The following TOX2 variants were observed in gnomAD, a reference collection of about 807,000 sequenced individuals.
TOX2 encodes TOX high mobility group box family member 2.
Under a neutral mutation model 47.4 loss-of-function variants are expected in TOX2, and 15 were observed. The observed-to-expected ratio is 0.32, with a 90% CI of 0.21 to 0.49. The LOEUF (loss-of-function observed/expected upper bound fraction) is 0.49. Among genes scored for constraint, TOX2 ranks in the 20% least tolerant of loss-of-function variants. The pLI, the probability that TOX2 is intolerant of heterozygous loss-of-function variation, is 0.99. For missense variants in TOX2, 622 were observed against 673.1 expected, an observed-to-expected ratio of 0.92 and a Z score of 0.84; for synonymous variants, 290 against 296.6, an observed-to-expected ratio of 0.98 and a Z score of 0.23.
chr20:43,989,303 T>C (rs1355859557), intron 2 of TOX2, among the ~76,000 whole-genome samples: 2 of 152,162 alleles, frequency 1.3e-5, no homozygotes, highest in Admixed American at 1.3e-4. Flanking sequence ...GGCACATGCC[T>C]ACCCTGAGGA....
chr20:44,067,663 C>A (rs1015807685), intron 8 of TOX2, among the ~76,000 whole-genome samples: 1 of 152,118 alleles, frequency 6.6e-6, no homozygotes, highest in Non-Finnish European at 1.5e-5. Context: ...CCTTTCAAAC[C>A]CATGCTAACA....
chr20:44,017,274 G>A (rs2070896124), intron 3 of TOX2, among the ~76,000 whole-genome samples: 1 of 152,186 alleles, frequency 6.6e-6, no homozygotes, highest in Non-Finnish European at 1.5e-5. Flanking sequence ...TATGAGTATG[G>A]GGTGAATCTT....
At chr20:43,987,212 C>T (rs1056082188) in intron 2 of TOX2, among the ~76,000 whole-genome samples, 1 of 152,172 alleles carries the variant, frequency 6.6e-6, no homozygotes, top group Admixed American at 6.5e-5. Flanking sequence ...TGTGTAACCA[C>T]ATGCCATCAA....
chr20:43,939,682 C>T (rs1053273760), intron 1 of TOX2, among the ~76,000 whole-genome samples: 18 of 152,202 alleles, frequency 1.2e-4, no homozygotes, highest in African/African-American at 4.1e-4. Context: ...ACTGACCCTG[C>T]AGCTTAGAAG....
At chr20:43,922,636 T>C (rs1288656885) in intron 1 of TOX2, among the ~76,000 whole-genome samples, 2 of 152,232 alleles carry the variant, frequency 1.3e-5, no homozygotes, top group African/African-American at 4.8e-5. Flanking sequence ...TGAGTTGTGG[T>C]AAATTGTAAT....
chr20:44,037,127 T>C (rs1342628380), intron 3 of TOX2, among the ~76,000 whole-genome samples: 3 of 152,234 alleles, frequency 2.0e-5, no homozygotes, highest in Admixed American at 1.3e-4. Context: ...CTAATTTTTG[T>C]ATTTTTAGTA....
chr20:44,068,682 C>G lies in TOX2; in HGVS notation c.1517C>G (p.Thr506Ser). The change falls in exon 9 of 9, where the codon ACC becomes AGC. Residue 506 changes from threonine (T) to serine (S), a missense_variant. Physicochemically the swap from Thr to Ser is moderately conservative, Grantham distance 58 (BLOSUM62 1). This residue lies in a region of TOX2 where 294 missense variants were observed against 300.0 expected (regional missense o/e 0.98). Coordinates refer to ENST00000341197, the MANE Select transcript of TOX2 (RefSeq NM_001098797.2). ...LLPRDKSLYLT is the reference protein window; with the variant it reads ...LLPRDKSLYLS ...CCCAGGGACAAATCGCTCTACCTCACCTAATCCCGCCTCCCTACCATCCCT... is the reference window on the plus strand; with the variant it reads ...CCCAGGGACAAATCGCTCTACCTCAGCTAATCCCGCCTCCCTACCATCCCT... 6.2e-7 allele frequency: 1 copy of G among 1,614,126 alleles called. No homozygotes were observed. Among genetic ancestry groups the G allele is most frequent in the Non-Finnish European group, 8.5e-7 (1 of 1,179,998 alleles).
chr20:43,974,078 A>G (rs1307591232), intron 2 of TOX2, among the ~76,000 whole-genome samples: 2 of 152,110 alleles, frequency 1.3e-5, no homozygotes, highest in Non-Finnish European at 2.9e-5. Context: ...TCCTCACTAT[A>G]GACTATGATG....
chr20:43,985,805 C>G (rs112440019), intron 2 of TOX2, among the ~76,000 whole-genome samples: 1 of 152,036 alleles, frequency 6.6e-6, no homozygotes, highest in Non-Finnish European at 1.5e-5. Flanking sequence ...AACAGCCACC[C>G]GGTGGCGCCG....
At chr20:43,942,871 G>A (rs547284863) in intron 1 of TOX2, among the ~76,000 whole-genome samples, 25 of 152,250 alleles carry the variant, frequency 1.6e-4, no homozygotes, top group African/African-American at 6.0e-4. Flanking sequence ...CGTTGCCTCA[G>A]AATCTGAAAA....
At chr20:44,032,087 G>T (rs1006955387) in intron 3 of TOX2, among the ~76,000 whole-genome samples, 1 of 152,198 alleles carries the variant, frequency 6.6e-6, no homozygotes, top group Non-Finnish European at 1.5e-5. Flanking sequence ...GGTGTGAGGG[G>T]CAGGGGAGCG....
Position 43,916,205 on chromosome 20 carries a change from C to T in TOX2, c.99+1215C>T. 1.0e-6 allele frequency: 1 copy of T among 985,536 alleles called. No homozygotes were observed. The highest frequency in any genetic ancestry group is 1.7e-5 in the African/African-American group (1 of 57,372). The allele number at this position is 985,536 out of a possible 1,614,324, so 61.0% of individuals were successfully genotyped here. The stretch of plus-strand genomic sequence containing the variant: ...CAGACGCGTGGGCTCCGTGGCGATG[C>T]GGGGTGAGTGCGCGTCCAGTGGCTG... On this transcript the variant is annotated intron_variant, in intron 1 of 8. Transcript: ENST00000341197. This position sits in a 1 kb window ranked among gnomAD's most constrained non-coding sequence, Gnocchi z 5.0.
intron 2 of TOX2, among the ~76,000 whole-genome samples, chr20:43,991,340 A>G (rs1427674292): frequency 1.3e-5 from 2 of 152,228 alleles, no homozygotes; most frequent in South Asian, 2.1e-4. Context: ...ACTGAGCCCA[A>G]TGCCATAGCA....
At chr20:43,959,063 G>A (rs915055099) in intron 1 of TOX2, among the ~76,000 whole-genome samples, 5 of 152,216 alleles carry the variant, frequency 3.3e-5, no homozygotes, top group African/African-American at 9.6e-5. Flanking sequence ...GGTCAGAAGG[G>A]TTCAATAGTC....
intron 1 of TOX2, among the ~76,000 whole-genome samples, chr20:43,934,678 G>C (rs2069301176): frequency 6.6e-6 from 1 of 152,106 alleles, no homozygotes; most frequent in Non-Finnish European, 1.5e-5. Flanking sequence ...GGGCTTTGGG[G>C]CAGGCGTGAT....
chr20:44,049,423 T>A (rs956262595), intron 3 of TOX2, among the ~76,000 whole-genome samples: 5 of 152,266 alleles, frequency 3.3e-5, no homozygotes, highest in African/African-American at 1.2e-4. Flanking sequence ...TAATTTTTGT[T>A]ACTGGAAATT....
chr20:43,970,667 GC>G (rs1372414803), intron 1 of TOX2, among the ~76,000 whole-genome samples: 1 of 152,158 alleles, frequency 6.6e-6, no homozygotes, highest in Non-Finnish European at 1.5e-5. Flanking sequence ...ATGATCAATG[GC>G]CATGGTCACA....
intron 3 of TOX2, among the ~76,000 whole-genome samples, chr20:44,008,856 G>A (rs2070732644): frequency 6.6e-6 from 1 of 152,212 alleles, no homozygotes; most frequent in Non-Finnish European, 1.5e-5. Context: ...GTTCAATCCA[G>A]GAACCCCACC....
chr20:43,979,476 T>C (rs1391919833), intron 2 of TOX2, among the ~76,000 whole-genome samples: 1 of 152,146 alleles, frequency 6.6e-6, no homozygotes, highest in African/African-American at 2.4e-5. Context: ...GAAAAGGATG[T>C]TGGATCCACA....
Sources: gnomAD v4.1 joint callset for allele counts (sites outside exome capture counted in the v4.1 genomes callset) on GRCh38, gnomAD v4.1.1 for gene constraint, gnomAD v4.1.1 regional missense constraint, Gnocchi (gnomAD v3.1) non-coding constraint, MANE v1.5 for transcripts, NCBI Gene and HGNC (gene_info 2026-07-23, HGNC 2026-07-21) for gene names.